The following FSTL4 variants were observed in gnomAD, a reference collection of about 807,000 sequenced individuals.
FSTL4 encodes the protein follistatin like 4.
Under a neutral mutation model 78.2 loss-of-function variants are expected in FSTL4, and 28 were observed. The ratio of observed to expected loss-of-function variants is 0.36; its 90% CI spans 0.27 to 0.49. The LOEUF (loss-of-function observed/expected upper bound fraction) is 0.49, where lower values mean the gene tolerates loss of function less well. Ranked by LOEUF, FSTL4 falls within the 20% of genes least tolerant of loss-of-function variation. The pLI, the probability that FSTL4 is intolerant of heterozygous loss-of-function variation, is 0.98. For synonymous variants in FSTL4, 422 were observed against 440.5 expected (o/e 0.96, Z 0.53); for missense variants, 922 against 1,084.9 (o/e 0.85, Z 2.11).
At chr5:133,517,510 C>CACACACACAA (rs1491432421) in intron 3 of FSTL4, among the ~76,000 whole-genome samples, 199 of 118,584 alleles carry the variant, frequency 1.7e-3, no homozygotes, top group South Asian at 2.8e-3. Flanking sequence ...CACACACACA[C>CACACACACAA]AAACTGAAAG....
intron 3 of FSTL4, among the ~76,000 whole-genome samples, chr5:133,417,884 G>A (rs1038340252): frequency 1.3e-5 from 2 of 150,058 alleles, no homozygotes; most frequent in Non-Finnish European, 3.0e-5. Flanking sequence ...TCTTGAACCC[G>A]GGAGGCGGAG....
intron 6 of FSTL4, among the ~76,000 whole-genome samples, chr5:133,288,948 C>G (rs915308668): frequency 7.2e-5 from 11 of 152,166 alleles, no homozygotes; most frequent in Non-Finnish European, 1.5e-4. Context: ...CTCTCCATAC[C>G]CTAGAGGTGG....
chr5:133,748,373 C>A, the FSTL4 span, among the ~76,000 whole-genome samples: 7 of 151,972 alleles, frequency 4.6e-5, no homozygotes, highest in African/African-American at 1.7e-4. Context: ...AGTTCAAGAC[C>A]AGCCTGGCTA....
chr5:133,600,752 G>A lies in FSTL4; in HGVS notation c.126+3106C>T, dbSNP rs185484541. On this transcript the variant is annotated intron_variant, in intron 2 of 15. Coordinates refer to ENST00000265342, the MANE Select transcript of FSTL4 (RefSeq NM_015082.2). ...AGTAATTGGTATAATAACTTTAAAG[G>A]TAAATCAAATCTTATTAACGCTTTC... Among the ~76,000 whole-genome samples, 16 of 152,302 alleles carry A rather than the reference G, an allele frequency of 1.1e-4. 1 individual carries two copies. Among genetic ancestry groups the A allele is most frequent in the East Asian group, 3.9e-4 (2 of 5,192 alleles).
chr5:133,414,412 C>T lies in FSTL4; in HGVS notation c.161-13426G>A, dbSNP rs146215284. Among the ~76,000 whole-genome samples, 673 of 152,216 alleles carry T rather than the reference C, an allele frequency of 4.4e-3. 4 individuals carry two copies. The highest frequency in any genetic ancestry group is 0.014 in the African/African-American group (601 of 41,516). ...ATATATAGGGGACTGGGAGTGGGAACCTTCCACATATGCCTACCTCGGAAG... is the reference window on the plus strand; with the variant it reads ...ATATATAGGGGACTGGGAGTGGGAATCTTCCACATATGCCTACCTCGGAAG... On this transcript the variant is annotated intron_variant, in intron 3 of 15. Coordinates refer to ENST00000265342, the MANE Select transcript of FSTL4 (RefSeq NM_015082.2).
chr5:133,760,166 C>T, the FSTL4 span, among the ~76,000 whole-genome samples: 2 of 152,174 alleles, frequency 1.3e-5, no homozygotes, highest in Non-Finnish European at 2.9e-5. Flanking sequence ...AGGCATCAGG[C>T]CCTTTGGGAA....
the FSTL4 span, among the ~76,000 whole-genome samples, chr5:133,715,017 C>T: frequency 1.3e-5 from 2 of 152,222 alleles, no homozygotes; most frequent in Non-Finnish European, 2.9e-5. Flanking sequence ...CCTGGTTCAG[C>T]CACCTTCGGC....
chr5:133,694,876 C>A, the FSTL4 span, among the ~76,000 whole-genome samples: 3 of 152,186 alleles, frequency 2.0e-5, no homozygotes, highest in Non-Finnish European at 4.4e-5. Context: ...GCTCCCTTGT[C>A]TCTTTTATAA....
chr5:133,795,021 A>G, the FSTL4 span, among the ~76,000 whole-genome samples: 1 of 152,210 alleles, frequency 6.6e-6, no homozygotes, highest in Non-Finnish European at 1.5e-5. Flanking sequence ...TCATAACCAG[A>G]AGAATTTCTT....
the FSTL4 span, among the ~76,000 whole-genome samples, chr5:133,726,371 C>A: frequency 6.6e-6 from 1 of 152,228 alleles, no homozygotes; most frequent in African/African-American, 2.4e-5. Flanking sequence ...GTCCCTGAAA[C>A]ACTCCTCTTG....
At chr5:133,719,699 A>T in the FSTL4 span, among the ~76,000 whole-genome samples, 156 of 148,176 alleles carry the variant, frequency 1.1e-3, no homozygotes, top group Middle Eastern at 3.5e-3. Context: ...AAAAAAGTCC[A>T]TTTGATTATA....
intron 4 of FSTL4, among the ~76,000 whole-genome samples, chr5:133,366,840 T>G (rs2126939414): frequency 6.6e-6 from 1 of 152,242 alleles, no homozygotes; most frequent in East Asian, 1.9e-4. Context: ...TGAGGTCTAC[T>G]TAAAATACTA....
At chr5:133,726,234 C>T in the FSTL4 span, among the ~76,000 whole-genome samples, 1 of 152,190 alleles carries the variant, frequency 6.6e-6, no homozygotes, top group African/African-American at 2.4e-5. Context: ...AAAGTGGTTG[C>T]ATGACTCAAC....
intron 3 of FSTL4, among the ~76,000 whole-genome samples, chr5:133,553,016 G>A (rs1444409672): frequency 1.3e-5 from 2 of 152,290 alleles, no homozygotes; most frequent in African/African-American, 4.8e-5. Context: ...AAAGTCTCCT[G>A]GTCCTGCGGT....
At chr5:133,264,210 T>A (rs1218082285) in intron 6 of FSTL4, among the ~76,000 whole-genome samples, 4 of 152,190 alleles carry the variant, frequency 2.6e-5, no homozygotes, top group African/African-American at 9.7e-5. Context: ...AGTGGCGCTG[T>A]TGAGAACTGT....
chr5:133,261,432 G>T (rs1230889219), intron 6 of FSTL4, among the ~76,000 whole-genome samples: 1 of 152,122 alleles, frequency 6.6e-6, no homozygotes, highest in Non-Finnish European at 1.5e-5. Flanking sequence ...TAGCCGAGAA[G>T]ACCCCAGAAA....
the FSTL4 span, among the ~76,000 whole-genome samples, chr5:133,833,014 C>CA: frequency 3.3e-5 from 5 of 152,006 alleles, no homozygotes; most frequent in South Asian, 2.1e-4. Flanking sequence ...ATAGAATGCA[C>CA]AAAAAAATGT....
chr5:133,312,151 C>A (rs1295184075), intron 6 of FSTL4, among the ~76,000 whole-genome samples: 1 of 152,166 alleles, frequency 6.6e-6, no homozygotes, highest in Non-Finnish European at 1.5e-5. Context: ...CCCACTTTCC[C>A]TTCTTCTCCA....
At chr5:133,474,784 C>T (rs945584678) in intron 3 of FSTL4, among the ~76,000 whole-genome samples, 1 of 152,240 alleles carries the variant, frequency 6.6e-6, no homozygotes, top group Admixed American at 6.5e-5. Context: ...GTCTTAGCAG[C>T]TTCCTTTAAA....
Sources: allele counts gnomAD v4.1 joint callset (sites outside exome capture counted in the v4.1 genomes callset), GRCh38; gene constraint gnomAD v4.1.1; transcripts MANE v1.5; gene names NCBI Gene and HGNC (gene_info 2026-07-23, HGNC 2026-07-21).